The following SPRY1 variants were observed in gnomAD, a reference collection of about 807,000 sequenced individuals.
The protein encoded by SPRY1 is protein sprouty homolog 1.
In SPRY1, 20 loss-of-function variants were observed where a neutral mutation model predicts 22.6. That is an observed-to-expected ratio of 0.89 (90% CI 0.62 to 1.29). The LOEUF is 1.29. Among genes scored for constraint, SPRY1 ranks in the 50% most tolerant of loss-of-function variants. The probability of loss-of-function intolerance (pLI) is 0.00; values close to 1 mark genes in which losing one functional copy is unlikely to be tolerated. For synonymous variants in SPRY1, 155 were observed against 144.7 expected (o/e 1.07, Z -0.51); for missense variants, 446 against 387.7 (o/e 1.15, Z -1.26).
intron 2 of SPRY1, 40 bp from the exon 3 acceptor site, chr4:123,401,497 C>CATTTATTTTCTG (rs1413456701): frequency 1.4e-6 from 2 of 1,384,128 alleles, no homozygotes; most frequent in African/African-American, 3.2e-5. Flanking sequence ...TGCTTCCTGT[C>CATTTATTTTCTG]ATTTATTTTC....
intron 2 of SPRY1, among the ~76,000 whole-genome samples, chr4:123,401,011 TAA>T (rs1202226622): frequency 1.3e-5 from 2 of 152,224 alleles, no homozygotes; most frequent in East Asian, 1.9e-4. Context: ...GATTTCATTT[TAA>T]GAGTCTCAAT....
rs748590054 is a variant in SPRY1, at chr4:123,402,374, A to G, written c.783A>G (p.Gly261=). ...SHCCSRYLCM[G]AMSLFLPCLL... ...GCTGCTCTAGATACCTGTGTATGGG[A>G]GCCATGTCTTTATTTTTACCTTGCT... Residue 261 remains glycine (G), a synonymous_variant, in exon 3 of 3, where the codon GGA becomes GGG. Transcript: ENST00000651917. 3 of 1,614,080 alleles carry G rather than the reference A, an allele frequency of 1.9e-6. No homozygotes were observed. In the Admixed American group the frequency reaches 5.0e-5, roughly 27 times the overall value.
chr4:123,402,694 A>T lies in SPRY1; in HGVS notation c.*143A>T, dbSNP rs1191571203. ...CCTGTTGCCAAGGTCTAACTCATGG[A>T]TTTTTCTCTTTCCTCATGGATGATC... On this transcript the variant is annotated 3_prime_UTR_variant, in exon 3 of 3. Transcript: ENST00000651917. The T allele has an allele frequency of 2.7e-6, 3 of 1,098,990 alleles. No individual in the cohort carries two copies. In the Admixed American group the frequency reaches 8.7e-5, roughly 32 times the overall value. 68.1% of individuals were successfully genotyped at this position (1,098,990 alleles called of 1,614,324 possible).
In SPRY1 at chr4:123,401,388, C is replaced by G. The variant is rs945069842; in HGVS notation, c.-55-149C>G. 8 of 657,680 alleles carry G rather than the reference C, an allele frequency of 1.2e-5. No homozygotes were observed. The Admixed American group carries it at 1.5e-4, about 12-fold the overall frequency. The allele number at this position is 657,680 out of a possible 1,614,324, so 40.7% of individuals were successfully genotyped here. A position where few individuals can be genotyped will look rare whatever the true frequency, so the allele number is the denominator to read the frequency against. On this transcript the variant is annotated intron_variant, in intron 2 of 2. Coordinates refer to ENST00000651917, the MANE Select transcript of SPRY1 (RefSeq NM_001258038.2). Reference sequence around the variant, plus strand: ...GCCTCTCCTAGAATTGGACTCTGGCCAGGACCCCAGCATCATTGTAATCCA... The same window carrying G: ...GCCTCTCCTAGAATTGGACTCTGGCGAGGACCCCAGCATCATTGTAATCCA...
rs1725219963 is a variant in SPRY1 at position 123,402,594 on chromosome 4, G to T, written c.*43G>T. 1 of 1,542,016 alleles carries T rather than the reference G, an allele frequency of 6.5e-7. No homozygotes were observed. Among genetic ancestry groups the T allele is most frequent in the South Asian group, 1.3e-5 (1 of 79,634 alleles). On this transcript the variant is annotated 3_prime_UTR_variant, in exon 3 of 3. Coordinates refer to ENST00000651917, the MANE Select transcript of SPRY1 (RefSeq NM_001258038.2). ...TACCTCCTGAACTTTTAGCTTTCAA[G>T]TTGTGGCTGTTTTTTGTTTTTGTTT... is the stretch of plus-strand genomic sequence containing the variant.
chr4:123,402,593 A>C lies in SPRY1; in HGVS notation c.*42A>C. ...GTACCTCCTGAACTTTTAGCTTTCA[A>C]GTTGTGGCTGTTTTTTGTTTTTGTT... is the stretch of plus-strand genomic sequence containing the variant. On this transcript the variant is annotated 3_prime_UTR_variant, in exon 3 of 3. Coordinates refer to ENST00000651917, the MANE Select transcript of SPRY1 (RefSeq NM_001258038.2). The C allele has an allele frequency of 6.5e-7, 1 of 1,543,992 alleles. No homozygotes were observed. Among genetic ancestry groups the C allele is most frequent in the South Asian group, 1.2e-5 (1 of 80,220 alleles).
chr4:123,398,979 A>AC (rs902833550), intron 2 of SPRY1, among the ~76,000 whole-genome samples: 17 of 151,690 alleles, frequency 1.1e-4, no homozygotes, highest in African/African-American at 3.6e-4. Context: ...TTCGCCGATT[A>AC]CCCCCTCGAT....
At chr4:123,398,763 C>G (rs376830732) in intron 2 of SPRY1, among the ~76,000 whole-genome samples, 107 of 152,238 alleles carry the variant, frequency 7.0e-4, no homozygotes, top group African/African-American at 2.5e-3. Flanking sequence ...CGGAACGTAA[C>G]AGGACAGGGT....
chr4:123,398,181 G>A (rs1296838569), intron 2 of SPRY1: 2 of 152,322 alleles, frequency 1.3e-5, no homozygotes, highest in Non-Finnish European at 2.9e-5. Flanking sequence ...CTTCCTGAAA[G>A]GATTTGTAAA....
rs552844914 is a variant in SPRY1 at position 123,400,333 on chromosome 4, A to G, written c.-55-1204A>G. 2.0e-5 allele frequency: 3 copies of G among 152,306 alleles called. No individual in the cohort carries two copies. The East Asian group carries it at 5.8e-4, about 29-fold the overall frequency. 9.4% of individuals were successfully genotyped at this position (152,306 alleles called of 1,614,324 possible). A position where few individuals can be genotyped will look rare whatever the true frequency, so the allele number is the denominator to read the frequency against. On this transcript the variant is annotated intron_variant, in intron 2 of 2. Transcript: ENST00000651917. Reference sequence around the variant, plus strand: ...AGACATTAGTTTAGGAAATATAGGAAATGGACTTCTTTCTGCGTTGTTCCT... The same window carrying G: ...AGACATTAGTTTAGGAAATATAGGAGATGGACTTCTTTCTGCGTTGTTCCT...
intron 2 of SPRY1, among the ~76,000 whole-genome samples, chr4:123,400,878 G>A (rs1356576583): frequency 2.0e-5 from 3 of 152,120 alleles, no homozygotes; most frequent in South Asian, 4.2e-4. Flanking sequence ...GTGTGTGTGT[G>A]TTTGTAGCTC....
chr4:123,399,043 T>C (rs1231432875), intron 2 of SPRY1, among the ~76,000 whole-genome samples: 1 of 151,892 alleles, frequency 6.6e-6, no homozygotes, highest in African/African-American at 2.4e-5. Context: ...TGGAGCACAG[T>C]GCAAAGACAG....
chr4:123,401,472 C>A (rs1253127463), intron 2 of SPRY1, 65 bp from the exon 3 acceptor site: 3 of 1,246,490 alleles, frequency 2.4e-6, no homozygotes, highest in East Asian at 2.7e-5. Context: ...CAGGATTCCC[C>A]CCCCCCAAAA....
Position 123,402,033 on chromosome 4 carries a change from C to A in SPRY1, c.442C>A (p.His148Asn). The A allele has an allele frequency of 6.2e-7, 1 of 1,614,086 alleles. No homozygotes were observed. Among genetic ancestry groups the A allele is most frequent in the South Asian group, 1.1e-5 (1 of 91,050 alleles). ...RSPPTRPVPG[H>N]RSERAIRTQP... Reference sequence around the variant, plus strand: ...ACCACCAACCAGACCAGTCCCTGGTCATAGGTCTGAAAGGGCAATCCGGAC... The same window carrying A: ...ACCACCAACCAGACCAGTCCCTGGTAATAGGTCTGAAAGGGCAATCCGGAC... The change falls in exon 3 of 3, where the codon CAT becomes AAT. Residue 148 changes from histidine (H) to asparagine (N), a missense_variant. Coordinates refer to ENST00000651917, the MANE Select transcript of SPRY1 (RefSeq NM_001258038.2).
In SPRY1 at chr4:123,402,529, G is replaced by A. The variant is rs773173631; in HGVS notation, c.938G>A (p.Arg313Gln). 10 of 1,613,240 alleles carry A rather than the reference G, an allele frequency of 6.2e-6. No individual in the cohort carries two copies. Among genetic ancestry groups the A allele is most frequent in the East Asian group, 4.5e-5 (2 of 44,858 alleles). The change falls in exon 3 of 3, where the codon CGG becomes CAG. Residue 313 changes from arginine to glutamine, a missense_variant. Arg to Gln is a conservative substitution (Grantham distance 43). Transcript: ENST00000651917. ...VYCKLESCPSRGQGKPS is the reference protein window; with the variant it reads ...VYCKLESCPSQGQGKPS ...TGTAAGCTGGAGAGCTGCCCCTCCC[G>A]GGGTCAGGGTAAACCATCATGATTT... is the stretch of plus-strand genomic sequence containing the variant.
At chr4:123,400,622 A>C (rs1313460576) in intron 2 of SPRY1, among the ~76,000 whole-genome samples, 2 of 152,240 alleles carry the variant, frequency 1.3e-5, no homozygotes, top group Non-Finnish European at 2.9e-5. Flanking sequence ...AGAACGTTGA[A>C]TCAGAATTGG....
In SPRY1 at chr4:123,402,633, CT is replaced by C; in HGVS notation, c.*85del. 2 of 1,505,132 alleles carry C rather than the reference CT, an allele frequency of 1.3e-6. No individual in the cohort carries two copies. The highest frequency in any genetic ancestry group is 1.8e-6 in the Non-Finnish European group (2 of 1,127,634). 93.2% of individuals were successfully genotyped at this position (1,505,132 alleles called of 1,614,324 possible). On this transcript the variant is annotated 3_prime_UTR_variant, in exon 3 of 3. Transcript: ENST00000651917. Reference sequence around the variant, plus strand: ...TTGTTTTTGTTTTTGTTTTTGTTTTCTTTAGAATTTTTCCCTGTTTCCCACC... The same window carrying C: ...TTGTTTTTGTTTTTGTTTTTGTTTTCTTAGAATTTTTCCCTGTTTCCCACC...
At chr4:123,399,913 G>A (rs1409080014) in intron 2 of SPRY1, 3 of 152,208 alleles carry the variant, frequency 2.0e-5, no homozygotes, top group East Asian at 1.9e-4. Context: ...CGGATCGGAG[G>A]TGGCGAATTT....
chr4:123,400,502 A>G (rs1413470693), intron 2 of SPRY1: 1 of 152,232 alleles, frequency 6.6e-6, no homozygotes, highest in Admixed American at 6.5e-5. Context: ...AGAAACTTTC[A>G]TCTTTGGCAG....
Sources: gnomAD v4.1 joint callset for allele counts (sites outside exome capture counted in the v4.1 genomes callset) on GRCh38, gnomAD v4.1.1 for gene constraint, MANE v1.5 for transcripts, NCBI Gene and HGNC (gene_info 2026-07-23, HGNC 2026-07-21) for gene names.